The following KIF13B variants were observed in gnomAD, a reference collection of about 807,000 sequenced individuals.
KIF13B encodes kinesin family member 13B, also known as kinesin-like protein KIF13B.
Under a neutral mutation model 222.0 loss-of-function variants are expected in KIF13B, and 127 were observed. That is an observed-to-expected ratio of 0.57 (90% confidence interval 0.50 to 0.66). The LOEUF (loss-of-function observed/expected upper bound fraction) is 0.66, where lower values mean the gene tolerates loss of function less well. Ranked by LOEUF, KIF13B falls within the 30% of genes least tolerant of loss-of-function variation. The probability of loss-of-function intolerance (pLI) is 0.00; values close to 1 mark genes in which losing one functional copy is unlikely to be tolerated. For synonymous variants in KIF13B, 976 were observed against 919.0 expected, an observed-to-expected ratio of 1.06 and a Z score of -1.12; for missense variants, 2,173 against 2,379.0, an observed-to-expected ratio of 0.91 and a Z score of 1.80.
intron 23 of KIF13B, 146 bp downstream of exon 23, chr8:29,132,162 C>T (rs1810372422): frequency 2.2e-6 from 1 of 450,846 alleles, no homozygotes; most frequent in Non-Finnish European, 3.7e-6. Context: ...AAGAGAATTG[C>T]TTACTCCCAG....
intron 2 of KIF13B, among the ~76,000 whole-genome samples, chr8:29,227,815 G>C (rs1815091302): frequency 6.6e-6 from 1 of 152,106 alleles, no homozygotes; most frequent in Non-Finnish European, 1.5e-5. Context: ...GCTGGGCATG[G>C]TGGTGCACGC....
rs761477321 is a variant in KIF13B, at chr8:29,140,087, G to T, written c.2589C>A (p.Thr863=). The T allele has an allele frequency of 3.7e-6, 6 of 1,600,126 alleles. No individual in the cohort carries two copies. The highest frequency in any genetic ancestry group is 4.5e-5 in the East Asian group (2 of 44,058). The change falls in exon 21 of 40, where the codon ACC becomes ACA. Residue 863 remains threonine, a synonymous_variant. Coordinates refer to ENST00000524189, the MANE Select transcript of KIF13B (RefSeq NM_015254.4). ...EVAEVSFEKE[T]QENKLVCMVK... Reference sequence around the variant, plus strand: ...CCATGCACACCAGTTTGTTCTCCTGGGTCTCCTTCTCAAAGGAGACCTCTG... The same window carrying T: ...CCATGCACACCAGTTTGTTCTCCTGTGTCTCCTTCTCAAAGGAGACCTCTG...
In KIF13B at chr8:29,071,782, CCT is replaced by C; in HGVS notation, c.5054_5055del (p.Gln1685ArgfsTer5). 6.5e-7 allele frequency: 1 copy of C among 1,548,314 alleles called. No individual in the cohort carries two copies. Among genetic ancestry groups the C allele is most frequent in the East Asian group, 2.4e-5 (1 of 40,880 alleles). The stretch of plus-strand genomic sequence containing the variant: ...GCTTCCTCGGAATCAGAGGCCAGGG[CCT>C]GTCCCCCGGCGCCCGGGGCCGGCGC... ...GNAPAPGAGG[Q>X]ALASDSEEAD... On this transcript the variant is annotated frameshift_variant, in exon 39 of 40. Transcript: ENST00000524189. LOFTEE classifies it high-confidence loss of function. This position sits in a 1 kb window ranked among gnomAD's most constrained non-coding sequence, Gnocchi z 4.9.
chr8:29,070,818 C>G lies in KIF13B; in HGVS notation c.5219-52G>C. On this transcript the variant is annotated intron_variant, in intron 39 of 39. Coordinates refer to ENST00000524189, the MANE Select transcript of KIF13B (RefSeq NM_015254.4). This position sits in a 1 kb window ranked among gnomAD's most constrained non-coding sequence, Gnocchi z 4.1. ...GAGGGCAGCCGAGCTGCAGACGGCCCCCTGCACCTCCCTTACCTCTGCAGA... is the reference window on the plus strand; with the variant it reads ...GAGGGCAGCCGAGCTGCAGACGGCCGCCTGCACCTCCCTTACCTCTGCAGA... The G allele has an allele frequency of 6.5e-7, 1 of 1,550,088 alleles. No individual in the cohort carries two copies. The highest frequency in any genetic ancestry group is 2.4e-5 in the East Asian group (1 of 41,576).
rs536533980 is a variant in KIF13B at position 29,172,362 on chromosome 8, G to A, written c.945+3706C>T. ...CTCCCAGAGTGCAGGGATTACAGGT[G>A]TGAGCCACCATGCCCAGCCAATCAC... On this transcript the variant is annotated intron_variant, in intron 10 of 39. Coordinates refer to ENST00000524189, the MANE Select transcript of KIF13B (RefSeq NM_015254.4). Among the ~76,000 whole-genome samples, 13 of 151,886 alleles carry A rather than the reference G, an allele frequency of 8.6e-5. No homozygotes were observed. The East Asian group carries it at 2.2e-3, about 25-fold the overall frequency.
chr8:29,073,582 C>A (rs1184144193), intron 38 of KIF13B, among the ~76,000 whole-genome samples: 1 of 152,050 alleles, frequency 6.6e-6, no homozygotes, highest in Non-Finnish European at 1.5e-5. Flanking sequence ...GCACTGCTAT[C>A]CAGAAGAAAT....
At chr8:29,181,770 CTA>C (rs1424517245) in intron 7 of KIF13B, 147 bp downstream of exon 7, 6 of 491,144 alleles carry the variant, frequency 1.2e-5, no homozygotes, top group African/African-American at 2.0e-5. Context: ...CTGTGATCAA[CTA>C]TCTCATTTTT....
chr8:29,134,323 GT>G, intron 21 of KIF13B, 113 bp from the exon 22 acceptor site: 3 of 960,066 alleles, frequency 3.1e-6, no homozygotes, highest in Non-Finnish European at 4.8e-6. Context: ...TGATATTTAT[GT>G]TGGCCAAATC....
At chr8:29,156,731 G>C (rs1239700156) in intron 13 of KIF13B, among the ~76,000 whole-genome samples, 3 of 149,564 alleles carry the variant, frequency 2.0e-5, no homozygotes, top group Non-Finnish European at 3.0e-5. Context: ...ATGTTGCTCA[G>C]GTTGATCTCA....
chr8:29,125,774 G>C (rs1256576480), intron 26 of KIF13B, among the ~76,000 whole-genome samples: 1 of 151,780 alleles, frequency 6.6e-6, no homozygotes, highest in East Asian at 1.9e-4. Flanking sequence ...TCCAAATGCT[G>C]TATGATTCCA....
chr8:29,226,574 C>G (rs1815036282), intron 2 of KIF13B, among the ~76,000 whole-genome samples: 1 of 152,180 alleles, frequency 6.6e-6, no homozygotes, highest in Non-Finnish European at 1.5e-5. Flanking sequence ...ATCACTTTCC[C>G]AGGCCCAGGA....
rs1287692280 is a variant in KIF13B, at chr8:29,098,593, ACT to A, written c.4324+538_4324+539del. ...ACTCCAGCCTGGGTGACAGAGCAAG[ACT>A]CTGTCTCAAAAAAAAAAAAAAAAAG... On this transcript the variant is annotated intron_variant, in intron 36 of 39. Transcript: ENST00000524189. Among the ~76,000 whole-genome samples, 7 of 146,032 alleles carry A rather than the reference ACT, an allele frequency of 4.8e-5. No homozygotes were observed. The East Asian group carries it at 1.4e-3, about 29-fold the overall frequency.
chr8:29,262,959 C>T (rs1160739528), intron 1 of KIF13B, 21 bp downstream of exon 1: 1 of 1,576,716 alleles, frequency 6.3e-7, no homozygotes, highest in Non-Finnish European at 8.6e-7. Context: ...CCCCGGCGGC[C>T]CAGGAGGGCT....
chr8:29,242,296 CT>C (rs1815817992), intron 2 of KIF13B, among the ~76,000 whole-genome samples: 1 of 152,132 alleles, frequency 6.6e-6, no homozygotes, highest in African/African-American at 2.4e-5. Flanking sequence ...AAAAAAGAAA[CT>C]ACTTTGCCTA....
chr8:29,161,319 A>G (rs1811764865), intron 12 of KIF13B, among the ~76,000 whole-genome samples: 1 of 152,122 alleles, frequency 6.6e-6, no homozygotes, highest in Admixed American at 6.5e-5. Flanking sequence ...AGGCCCTTCA[A>G]CCTGGCCTGC....
At chr8:29,109,298 C>A in intron 34 of KIF13B, 136 bp downstream of exon 34, 1 of 698,332 alleles carries the variant, frequency 1.4e-6, no homozygotes, top group Non-Finnish European at 2.5e-6. Flanking sequence ...GGGGTGGAGA[C>A]CAGGGGCCCT....
At position 29,146,254 on chromosome 8, in the gene KIF13B, G is replaced by C. The variant is rs953183256; in HGVS notation, c.2187+124C>G. On this transcript the variant is annotated intron_variant, in intron 18 of 39. Coordinates refer to ENST00000524189, the MANE Select transcript of KIF13B (RefSeq NM_015254.4). ...GAAGTCAATTCTACCCAAAAGCATGGAGGACAAAGGATCTGGACTTGGGGC... is the reference window on the plus strand; with the variant it reads ...GAAGTCAATTCTACCCAAAAGCATGCAGGACAAAGGATCTGGACTTGGGGC... The C allele has an allele frequency of 2.6e-5, 24 of 929,276 alleles. No homozygotes were observed. The African/African-American group carries it at 3.6e-4, about 14-fold the overall frequency. 57.6% of individuals were successfully genotyped at this position (929,276 alleles called of 1,614,324 possible). A position where few individuals can be genotyped will look rare whatever the true frequency, so the allele number is the denominator to read the frequency against.
Position 29,176,183 on chromosome 8 carries a change from C to T in KIF13B, c.834-4G>A. Reference sequence around the variant, plus strand: ...CAGACCGAGGGTTGTGAGGGACCTGCATGGTGCAACAAACCAAAATAATTA... The same window carrying T: ...CAGACCGAGGGTTGTGAGGGACCTGTATGGTGCAACAAACCAAAATAATTA... On this transcript the variant is annotated splice_polypyrimidine_tract_variant and splice_region_variant and intron_variant, in intron 9 of 39. Transcript: ENST00000524189. The T allele has an allele frequency of 6.4e-7, 1 of 1,557,070 alleles. No homozygotes were observed. The highest frequency in any genetic ancestry group is 1.1e-5 in the South Asian group (1 of 88,602).
intron 1 of KIF13B, chr8:29,249,880 G>C: frequency 2.2e-6 from 1 of 457,610 alleles, no homozygotes; most frequent in Non-Finnish European, 3.9e-6. Context: ...TGGCATTAAA[G>C]TCTATTTCTG....
Sources: gnomAD v4.1 joint callset for allele counts (sites outside exome capture counted in the v4.1 genomes callset) on GRCh38, gnomAD v4.1.1 for gene constraint, Gnocchi (gnomAD v3.1) non-coding constraint, MANE v1.5 for transcripts, NCBI Gene and HGNC (gene_info 2026-07-23, HGNC 2026-07-21) for gene names.